The following PAX8 variants were observed in gnomAD, a reference collection of about 807,000 sequenced individuals.
PAX8 encodes paired box 8.
Under a neutral mutation model 52.4 loss-of-function variants are expected in PAX8, and 15 were observed. That is an observed-to-expected ratio of 0.29 (90% CI 0.19 to 0.44). PAX8 has a LOEUF of 0.44. Among genes scored for constraint, PAX8 ranks in the 20% least tolerant of loss-of-function variants. The pLI is 1.00. For synonymous variants in PAX8, 284 were observed against 249.7 expected (o/e 1.14, Z -1.29); for missense variants, 554 against 602.5 (o/e 0.92, Z 0.84).
At chr2:113,262,087 C>G (rs1006579483) in intron 2 of PAX8, among the ~76,000 whole-genome samples, 1 of 152,202 alleles carries the variant, frequency 6.6e-6, no homozygotes, top group Non-Finnish European at 1.5e-5. Flanking sequence ...GCCTCGGCCT[C>G]CCAAAGTGTT....
Position 113,264,689 on chromosome 2 carries a change from G to A in PAX8, c.25+13681C>T, listed in dbSNP as rs940773106. Among the ~76,000 whole-genome samples, 18 of 152,152 alleles carry A rather than the reference G, an allele frequency of 1.2e-4. 1 individual carries two copies. Among genetic ancestry groups the A allele is most frequent in the African/African-American group, 4.1e-4 (17 of 41,426 alleles). On this transcript the variant is annotated intron_variant, in intron 2 of 11. Transcript: ENST00000429538. ...GTAAGAAGCTAAGTGACATTTGTTG[G>A]AACAAGTACTGAGTACCCAGGGAGT...
chr2:113,230,705 T>C (rs945503637), intron 9 of PAX8: 5 of 152,176 alleles, frequency 3.3e-5, no homozygotes, highest in African/African-American at 9.7e-5. Context: ...TCCAATTGCT[T>C]AAATGCATAG....
chr2:113,233,630 A>T (rs1409686207), intron 9 of PAX8, among the ~76,000 whole-genome samples: 1 of 150,332 alleles, frequency 6.7e-6, no homozygotes, highest in Non-Finnish European at 1.5e-5. Context: ...GTGAGCTGAG[A>T]TCGCGCCACT....
At chr2:113,258,341 C>T (rs1263620594) in intron 2 of PAX8, among the ~76,000 whole-genome samples, 1 of 152,186 alleles carries the variant, frequency 6.6e-6, no homozygotes, top group Non-Finnish European at 1.5e-5. Context: ...TCTGGGTTTG[C>T]ATCCCTGCCC....
intron 2 of PAX8, chr2:113,274,383 G>T (rs997445646): frequency 6.6e-6 from 1 of 152,002 alleles, no homozygotes; most frequent in African/African-American, 2.4e-5. Flanking sequence ...TAGAGATTTG[G>T]TGTTAACAAA....
intron 2 of PAX8, chr2:113,270,831 A>G (rs776165433): frequency 2.0e-5 from 3 of 150,998 alleles, no homozygotes; most frequent in Non-Finnish European, 4.4e-5. Context: ...GACAAAACCA[A>G]TGAGTATTGT....
chr2:113,277,773 G>T lies in PAX8; in HGVS notation c.25+597C>A, dbSNP rs1464109089. On this transcript the variant is annotated intron_variant, in intron 2 of 11. Transcript: ENST00000429538. ...GGGAGGGGGTTTTGACTCCGCGAGC[G>T]GCTTAGTCCTCACCAGCCGGACGCC... Among the ~76,000 whole-genome samples the T allele has an allele frequency of 7.2e-5, 11 of 152,168 alleles. No homozygotes were observed. The East Asian group carries it at 1.9e-3, about 27-fold the overall frequency.
At chr2:113,223,542 A>C (rs1573404613) in intron 10 of PAX8, among the ~76,000 whole-genome samples, 1 of 152,254 alleles carries the variant, frequency 6.6e-6, no homozygotes, top group Middle Eastern at 3.4e-3. Flanking sequence ...ACCATGCTAA[A>C]CTAGTTCCTG....
rs1046091874 is a variant in PAX8, at chr2:113,217,282, C to T, written c.*1251G>A. The T allele has an allele frequency of 6.1e-5, 14 of 228,002 alleles. No homozygotes were observed. The highest frequency in any genetic ancestry group is 9.6e-5 in the Non-Finnish European group (11 of 114,592). 14.1% of individuals were successfully genotyped at this position (228,002 alleles called of 1,614,324 possible). A position where few individuals can be genotyped will look rare whatever the true frequency, so the allele number is the denominator to read the frequency against. On this transcript the variant is annotated 3_prime_UTR_variant, in exon 12 of 12. Transcript: ENST00000429538. ...GCCCACGGCCCCAAAGTGAGTTTGT[C>T]GGCTACTCAGCTCTGATGTTCTTGG...
Position 113,235,922 on chromosome 2 carries a change from A to AGGCGCGACCCCTG in PAX8, c.899-353_899-341dup, listed in dbSNP as rs1690260973. 3 of 318,222 alleles carry AGGCGCGACCCCTG rather than the reference A, an allele frequency of 9.4e-6. No individual in the cohort carries two copies. The South Asian group carries it at 1.9e-4, about 20-fold the overall frequency. The allele number at this position is 318,222 out of a possible 1,614,324, so 19.7% of individuals were successfully genotyped here. On this transcript the variant is annotated intron_variant, in intron 8 of 11. Transcript: ENST00000429538. ...ACCTTGAGGCCCGGCCTAGGACCGG[A>AGGCGCGACCCCTG]GGCGCGACCCCTGGGCCCACCTTGA...
At chr2:113,231,275 G>A (rs1689872990) in intron 9 of PAX8, among the ~76,000 whole-genome samples, 1 of 152,234 alleles carries the variant, frequency 6.6e-6, no homozygotes, top group African/African-American at 2.4e-5. Context: ...GCTTTCCTTT[G>A]AGCTGAGCTG....
intron 3 of PAX8, 34 bp from the exon 4 acceptor site, chr2:113,244,658 A>G (rs764127492): frequency 6.9e-6 from 11 of 1,586,652 alleles, no homozygotes; most frequent in South Asian, 1.1e-5. Context: ...GAATTACCCA[A>G]TAAGCAGGTG....
chr2:113,278,523 C>CGA, intron 1 of PAX8, 54 bp from the exon 2 acceptor site: 1 of 1,357,900 alleles, frequency 7.4e-7, no homozygotes, highest in Non-Finnish European at 1.0e-6. Flanking sequence ...ATGCCTGCAT[C>CGA]CTCAGGCCCC....
chr2:113,249,174 A>G (rs770533232), intron 2 of PAX8, among the ~76,000 whole-genome samples: 1 of 152,250 alleles, frequency 6.6e-6, no homozygotes, highest in Non-Finnish European at 1.5e-5. Context: ...TAGGGCTGGA[A>G]GAGTGCTTGG....
chr2:113,244,401 A>G (rs1334371335), intron 4 of PAX8, 26 bp downstream of exon 4: 1 of 1,588,814 alleles, frequency 6.3e-7, no homozygotes, highest in East Asian at 2.2e-5. Flanking sequence ...CCCCAGCCTG[A>G]CACCAGAGGC....
chr2:113,226,662 C>G (rs977584109), intron 10 of PAX8: 1 of 1,091,122 alleles, frequency 9.2e-7, no homozygotes, highest in Non-Finnish European at 1.1e-6. Flanking sequence ...TCATCATCAT[C>G]GTCATCGTCA....
chr2:113,227,910 C>T (rs1003863713), intron 9 of PAX8, among the ~76,000 whole-genome samples: 6 of 152,158 alleles, frequency 3.9e-5, no homozygotes, highest in Non-Finnish European at 7.4e-5. Flanking sequence ...GGAGATGTGG[C>T]GGAGATATTT....
intron 2 of PAX8, chr2:113,263,473 T>G (rs1314538406): frequency 6.6e-6 from 1 of 152,640 alleles, no homozygotes; most frequent in African/African-American, 2.4e-5. Context: ...TTCTTAAATT[T>G]AGTTCAACAA....
intron 4 of PAX8, among the ~76,000 whole-genome samples, chr2:113,243,908 T>G (rs190129813): frequency 6.6e-6 from 1 of 152,370 alleles, no homozygotes; most frequent in African/African-American, 2.4e-5. Flanking sequence ...GGTAGTTGAT[T>G]AATATCTGTG....
Sources: gnomAD v4.1 joint callset for allele counts (sites outside exome capture counted in the v4.1 genomes callset) on GRCh38, gnomAD v4.1.1 for gene constraint, MANE v1.5 for transcripts, NCBI Gene and HGNC (gene_info 2026-07-23, HGNC 2026-07-21) for gene names.